RTTN: variants seen among roughly 807,000 people sequenced by gnomAD.
The protein encoded by RTTN is rotatin.
Under a neutral mutation model 269.2 loss-of-function variants are expected in RTTN, and 182 were observed. The ratio of observed to expected loss-of-function variants is 0.68; its 90% CI spans 0.60 to 0.76. The LOEUF (loss-of-function observed/expected upper bound fraction) is 0.76, where lower values mean the gene tolerates loss of function less well. RTTN is among the 30% of genes least tolerant of loss of function. The probability of loss-of-function intolerance (pLI) is 0.00; values close to 1 mark genes in which losing one functional copy is unlikely to be tolerated. For missense variants in RTTN, 2,545 were observed against 2,608.6 expected (o/e 0.98, Z 0.53); for synonymous variants, 1,006 against 963.5 (o/e 1.04, Z -0.82).
intron 23 of RTTN, among the ~76,000 whole-genome samples, chr18:70,133,431 AG>A (rs1243275412): frequency 6.6e-6 from 1 of 152,174 alleles, no homozygotes; most frequent in Non-Finnish European, 1.5e-5. Flanking sequence ...CACGTGTTCA[AG>A]AATGTTCTTA....
At chr18:70,017,803 T>G in intron 45 of RTTN, 129 bp from the exon 46 acceptor site, 1 of 704,100 alleles carries the variant, frequency 1.4e-6, no homozygotes, top group Non-Finnish European at 2.3e-6. Context: ...TCTAATAGCT[T>G]CTGAATATTC....
Position 70,004,984 on chromosome 18 carries a change from G to A in RTTN, c.6595+214C>T, listed in dbSNP as rs138588988. 8.5e-5 allele frequency among the ~76,000 whole-genome samples: 13 copies of A among 152,246 alleles called. No individual in the cohort carries two copies. The East Asian group carries it at 2.1e-3, about 25-fold the overall frequency. On this transcript the variant is annotated intron_variant, in intron 48 of 48. Transcript: ENST00000640769. The stretch of plus-strand genomic sequence containing the variant: ...AGAAAATTTAGTACAAAAATAAGAC[G>A]AAGATCACAGATGCATTTTTAGAAG...
At position 70,088,106 on chromosome 18, in the gene RTTN, G is replaced by A. The variant is rs2145200653; in HGVS notation, c.4185C>T (p.Thr1395=). The A allele has an allele frequency of 6.2e-7, 1 of 1,613,878 alleles. No individual in the cohort carries two copies. The highest frequency in any genetic ancestry group is 1.3e-5 in the African/African-American group (1 of 75,032). ...CTAAGGCCACACAGCCCGTTTCAAG[G>A]GTGGTCAGTGCTGATCCTAATCCCA... ...TSLGLGSALT[T]LETGCVALAN... The change falls in exon 31 of 49, where the codon ACC becomes ACT. Residue 1395 remains threonine, a synonymous_variant. Transcript: ENST00000640769.
intron 32 of RTTN, among the ~76,000 whole-genome samples, chr18:70,079,539 G>A (rs2058510478): frequency 6.6e-6 from 1 of 151,988 alleles, no homozygotes; most frequent in African/African-American, 2.4e-5. Context: ...AGTAATTGAT[G>A]GGGTTATCTT....
At chr18:70,066,165 G>A (rs2058128272) in intron 34 of RTTN, among the ~76,000 whole-genome samples, 1 of 152,024 alleles carries the variant, frequency 6.6e-6, no homozygotes, top group Non-Finnish European at 1.5e-5. Flanking sequence ...ATTGACTTCA[G>A]GCCCATTTAG....
intron 28 of RTTN, among the ~76,000 whole-genome samples, chr18:70,099,938 A>G (rs1467199862): frequency 2.0e-5 from 3 of 152,090 alleles, no homozygotes; most frequent in Non-Finnish European, 4.4e-5. Context: ...CCATTGGTCT[A>G]TATCTCTGTT....
intron 45 of RTTN, among the ~76,000 whole-genome samples, 165 bp from the exon 46 acceptor site, chr18:70,017,839 T>TG (rs2056588006): frequency 3.3e-5 from 5 of 152,184 alleles, no homozygotes; most frequent in Admixed American, 2.6e-4. Context: ...CAAGCATAAG[T>TG]GAAAAAGGTA....
intron 10 of RTTN, among the ~76,000 whole-genome samples, chr18:70,183,363 ATTATAGG>A (rs2061461862): frequency 1.3e-5 from 2 of 152,168 alleles, no homozygotes; most frequent in South Asian, 4.1e-4. Context: ...GGTGGCTTAG[ATTATAGG>A]TAGATACTCT....
At chr18:70,025,676 A>C (rs898439649) in intron 43 of RTTN, among the ~76,000 whole-genome samples, 2 of 152,204 alleles carry the variant, frequency 1.3e-5, no homozygotes, top group Non-Finnish European at 2.9e-5. Flanking sequence ...CTCCATCTGC[A>C]GCAGATGACC....
chr18:70,066,684 T>C (rs2058144855), intron 34 of RTTN, among the ~76,000 whole-genome samples: 1 of 152,214 alleles, frequency 6.6e-6, no homozygotes, highest in African/African-American at 2.4e-5. Context: ...TCCATATCAG[T>C]ACATGCAACA....
intron 44 of RTTN, among the ~76,000 whole-genome samples, chr18:70,021,487 G>A (rs528574433): frequency 6.6e-6 from 1 of 152,246 alleles, no homozygotes; most frequent in East Asian, 1.9e-4. Context: ...AAGTTCATAC[G>A]AGGAGGCCAA....
chr18:70,109,268 T>C (rs978449726), intron 28 of RTTN, among the ~76,000 whole-genome samples: 31 of 152,174 alleles, frequency 2.0e-4, no homozygotes, highest in Non-Finnish European at 2.9e-4. Context: ...GAACACTTCC[T>C]TTGAGCATCA....
chr18:70,158,269 A>G (rs1317084615), intron 14 of RTTN, among the ~76,000 whole-genome samples: 1 of 152,226 alleles, frequency 6.6e-6, no homozygotes, highest in Non-Finnish European at 1.5e-5. Context: ...GAAACCTTAC[A>G]AGCCAGAAAA....
chr18:70,006,269 C>T (rs2056183209), intron 47 of RTTN, 112 bp downstream of exon 47: 1 of 693,106 alleles, frequency 1.4e-6, no homozygotes, highest in Non-Finnish European at 2.5e-6. Flanking sequence ...TTGATTTTGT[C>T]TTTTTTCTTT....
intron 14 of RTTN, among the ~76,000 whole-genome samples, chr18:70,165,712 A>T (rs2145902560): frequency 6.6e-6 from 1 of 152,258 alleles, no homozygotes; most frequent in East Asian, 1.9e-4. Flanking sequence ...AAAAAAACAG[A>T]ATTAAAACCA....
At chr18:70,087,021 A>G (rs2058719680) in intron 31 of RTTN, among the ~76,000 whole-genome samples, 1 of 152,030 alleles carries the variant, frequency 6.6e-6, no homozygotes, top group African/African-American at 2.4e-5. Flanking sequence ...TAAGAAATAT[A>G]ATTTTAGGTT....
At position 70,135,209 on chromosome 18, in the gene RTTN, CAAAT is replaced by C; in HGVS notation, c.2856_2859del (p.Phe953MetfsTer39). On this transcript the variant is annotated frameshift_variant, in exon 22 of 49. Coordinates refer to ENST00000640769, the MANE Select transcript of RTTN (RefSeq NM_173630.4). LOFTEE classifies it high-confidence loss of function. Reference sequence around the variant, plus strand: ...CACATATCCATTCTCGATACTTCATCAAATAATAGAAGACAAAATAGTGCTCCAA... The same window carrying C: ...CACATATCCATTCTCGATACTTCATCAATAGAAGACAAAATAGTGCTCCAA... The C allele has an allele frequency of 1.9e-6, 3 of 1,540,202 alleles. No homozygotes were observed. The highest frequency in any genetic ancestry group is 2.6e-6 in the Non-Finnish European group (3 of 1,151,036).
At chr18:70,168,659 T>C (rs1372684363) in intron 12 of RTTN, among the ~76,000 whole-genome samples, 196 bp downstream of exon 12, 1 of 152,152 alleles carries the variant, frequency 6.6e-6, no homozygotes, top group African/African-American at 2.4e-5. Context: ...TTAATTAAAG[T>C]CTTCGTTTTA....
Position 70,179,364 on chromosome 18 carries a change from C to T in RTTN, c.1306-2519G>A, listed in dbSNP as rs116998953. Among the ~76,000 whole-genome samples the T allele has an allele frequency of 6.0e-3, 909 of 152,200 alleles. 3 individuals carry two copies. Among genetic ancestry groups the T allele is most frequent in the Middle Eastern group, 0.01 (3 of 294 alleles). On this transcript the variant is annotated intron_variant, in intron 10 of 48. Coordinates refer to ENST00000640769, the MANE Select transcript of RTTN (RefSeq NM_173630.4). Reference sequence around the variant, plus strand: ...TGTGAAATTGTTTAAAATAATCTTGCTAATTCTAATGATGAATTGAGTACT... The same window carrying T: ...TGTGAAATTGTTTAAAATAATCTTGTTAATTCTAATGATGAATTGAGTACT...
Sources: gnomAD v4.1 joint callset for allele counts (sites outside exome capture counted in the v4.1 genomes callset) on GRCh38, gnomAD v4.1.1 for gene constraint, MANE v1.5 for transcripts, NCBI Gene and HGNC (gene_info 2026-07-23, HGNC 2026-07-21) for gene names.